SI: variants seen among roughly 807,000 people sequenced by gnomAD.
SI encodes sucrase-isomaltase.
SI carries 235 observed loss-of-function variants against 253.3 expected under a neutral mutation model. The ratio of observed to expected loss-of-function variants is 0.93; its 90% CI spans 0.83 to 1.03. The LOEUF is 1.03. Ranked by LOEUF, SI falls within the 50% of genes least tolerant of loss-of-function variation. The pLI is 0.00. For missense variants in SI, 2,442 were observed against 2,211.1 expected (o/e 1.10, Z -2.09); for synonymous variants, 819 against 712.0 (o/e 1.15, Z -2.39).
rs114902170 is a variant in SI at position 165,071,212 on chromosome 3, C to T, written c.256-2017G>A. Among the ~76,000 whole-genome samples the T allele has an allele frequency of 4.3e-3, 659 of 152,166 alleles. 2 individuals carry two copies. The highest frequency in any genetic ancestry group is 0.015 in the African/African-American group (616 of 41,540). Reference sequence around the variant, plus strand: ...CATTATTTAACCTACTACATATACACTCCAACATATTAATTAAAAATGTAT... The same window carrying T: ...CATTATTTAACCTACTACATATACATTCCAACATATTAATTAAAAATGTAT... On this transcript the variant is annotated intron_variant, in intron 3 of 47. Coordinates refer to ENST00000264382, the MANE Select transcript of SI (RefSeq NM_001041.4).
At chr3:165,048,976 A>G in intron 15 of SI, 151 bp downstream of exon 15, 1 of 654,994 alleles carries the variant, frequency 1.5e-6, no homozygotes, top group Admixed American at 2.3e-5. Flanking sequence ...GAGAACTGAT[A>G]TTTTGAATGC....
At chr3:164,986,921 C>A (rs1559976794) in intron 45 of SI, among the ~76,000 whole-genome samples, 1 of 152,114 alleles carries the variant, frequency 6.6e-6, no homozygotes, top group Non-Finnish European at 1.5e-5. Context: ...AGACACTTAC[C>A]ATAGGGATTG....
rs1714368267 is a variant in SI, at chr3:165,068,443, G to A, written c.483+279C>T. Among the ~76,000 whole-genome samples, 2 of 152,238 alleles carry A rather than the reference G, an allele frequency of 1.3e-5. 1 individual carries two copies. The highest frequency in any genetic ancestry group is 6.8e-3 in the Middle Eastern group (2 of 294). On this transcript the variant is annotated intron_variant, in intron 5 of 47. Coordinates refer to ENST00000264382, the MANE Select transcript of SI (RefSeq NM_001041.4). ...AGGATGAAAGGTGTGTTCATCAAAT[G>A]TCTCACTGAAAGCCCCAACTCCCGG...
At chr3:165,006,240 C>T (rs990120553) in intron 37 of SI, among the ~76,000 whole-genome samples, 6 of 152,192 alleles carry the variant, frequency 3.9e-5, no homozygotes, top group African/African-American at 1.4e-4. Context: ...TCCCGAGTAA[C>T]TGGGACCACA....
chr3:165,011,722 T>G (rs1718776053), intron 34 of SI, among the ~76,000 whole-genome samples: 1 of 147,886 alleles, frequency 6.8e-6, no homozygotes, highest in South Asian at 2.1e-4. Flanking sequence ...GTTCTATTTA[T>G]GTATTATCAT....
At chr3:165,013,730 T>TTACC (rs1328033418) in intron 33 of SI, among the ~76,000 whole-genome samples, 1 of 152,072 alleles carries the variant, frequency 6.6e-6, no homozygotes, top group East Asian at 1.9e-4. Flanking sequence ...GATTAGCTGA[T>TTACC]GGTAGAGAAT....
Position 164,979,432 on chromosome 3 carries a change from T to C in SI, c.5416-2A>G. On this transcript the variant is annotated splice_acceptor_variant, in intron 47 of 47. Transcript: ENST00000264382. LOFTEE classifies it high-confidence loss of function. Reference sequence around the variant, plus strand: ...TGTGGTCAGATCAATACGTAATATCTAAAAAAGTAAAATAATAATTAGTTG... The same window carrying C: ...TGTGGTCAGATCAATACGTAATATCCAAAAAAGTAAAATAATAATTAGTTG... The C allele has an allele frequency of 6.9e-7, 1 of 1,440,548 alleles. No individual in the cohort carries two copies. Among genetic ancestry groups the C allele is most frequent in the Non-Finnish European group, 9.8e-7 (1 of 1,025,038 alleles). 89.2% of individuals were successfully genotyped at this position (1,440,548 alleles called of 1,614,324 possible). A position where few individuals can be genotyped will look rare whatever the true frequency, so the allele number is the denominator to read the frequency against.
At chr3:165,082,919 G>T (rs1576935653), upstream of SI, among the ~76,000 whole-genome samples, 1 of 152,074 alleles carries the variant, frequency 6.6e-6, no homozygotes, top group African/African-American at 2.4e-5. Flanking sequence ...TGTGGCTATA[G>T]AGGCTAGAGA....
At chr3:165,047,036 A>C (rs1384127462) in intron 15 of SI, 24 bp from the exon 16 acceptor site, 2 of 1,479,260 alleles carry the variant, frequency 1.4e-6, no homozygotes, top group Non-Finnish European at 1.9e-6. Context: ...CAAATTAACA[A>C]ATACAATTTA....
At chr3:164,983,600 A>G (rs1487899235) in intron 45 of SI, among the ~76,000 whole-genome samples, 1 of 151,920 alleles carries the variant, frequency 6.6e-6, no homozygotes, top group Non-Finnish European at 1.5e-5. Flanking sequence ...TTTAGTTTTT[A>G]TTTTTTTAAG....
Position 165,059,165 on chromosome 3 carries a change from T to A in SI, c.1278+3A>T, listed in dbSNP as rs1490746827. ...AATGTATTAAGGTATAATTGATTAT[T>A]ACCAAGATGATGACATATTTCTGTC... On this transcript the variant is annotated splice_donor_region_variant and intron_variant, in intron 11 of 47. Transcript: ENST00000264382. 6.2e-7 allele frequency: 1 copy of A among 1,612,318 alleles called. No individual in the cohort carries two copies. The highest frequency in any genetic ancestry group is 2.2e-5 in the East Asian group (1 of 44,704).
intron 33 of SI, among the ~76,000 whole-genome samples, chr3:165,014,341 C>T (rs1450530953): frequency 2.0e-5 from 3 of 152,102 alleles, no homozygotes; most frequent in Middle Eastern, 3.4e-3. Context: ...CTCCGCCTCC[C>T]GGGTTCACTC....
intron 25 of SI, among the ~76,000 whole-genome samples, chr3:165,024,102 T>G (rs915662572): frequency 6.6e-6 from 1 of 151,470 alleles, no homozygotes; most frequent in Non-Finnish European, 1.5e-5. Flanking sequence ...TTTGATTCCA[T>G]GTTTGTTCTT....
At chr3:165,045,926 C>A (rs909118651) in intron 16 of SI, among the ~76,000 whole-genome samples, 1 of 150,420 alleles carries the variant, frequency 6.6e-6, no homozygotes, top group Admixed American at 6.6e-5. Flanking sequence ...CTCCACCTCC[C>A]AGGTTCAAAC....
rs368459676 is a variant in SI, at chr3:164,998,677, A to G, written c.4407-4T>C. 56 of 1,608,874 alleles carry G rather than the reference A, an allele frequency of 3.5e-5. No homozygotes were observed. The highest frequency in any genetic ancestry group is 6.7e-5 in the Admixed American group (4 of 59,706). On this transcript the variant is annotated splice_polypyrimidine_tract_variant and splice_region_variant and intron_variant, in intron 37 of 47. Transcript: ENST00000264382. ...TCCAGTTGTCTTCTGCAATGCACTA[A>G]TATAGTAGAGAAGTATTTTTGAGTT...
chr3:165,067,196 C>T, intron 6 of SI, 144 bp downstream of exon 6: 1 of 604,796 alleles, frequency 1.7e-6, no homozygotes, highest in Non-Finnish European at 2.8e-6. Flanking sequence ...AACCAAACTC[C>T]TTTATCACCG....
At chr3:165,077,947 C>G (rs1715109526) in intron 1 of SI, among the ~76,000 whole-genome samples, 1 of 151,510 alleles carries the variant, frequency 6.6e-6, no homozygotes, top group South Asian at 2.1e-4. Flanking sequence ...TATATTGATA[C>G]CCTTTCTCTG....
At chr3:165,054,881 C>A (rs916804935) in intron 13 of SI, among the ~76,000 whole-genome samples, 1 of 152,024 alleles carries the variant, frequency 6.6e-6, no homozygotes, top group Non-Finnish European at 1.5e-5. Flanking sequence ...GGCTTATCAC[C>A]AAATCTTATT....
chr3:165,005,973 T>C (rs1718491701), intron 37 of SI, among the ~76,000 whole-genome samples: 1 of 152,182 alleles, frequency 6.6e-6, no homozygotes, highest in South Asian at 2.1e-4. Flanking sequence ...TGATTTTCAG[T>C]GAATGGTCTG....
Sources: allele counts gnomAD v4.1 joint callset (sites outside exome capture counted in the v4.1 genomes callset), GRCh38; gene constraint gnomAD v4.1.1; transcripts MANE v1.5; gene names NCBI Gene and HGNC (gene_info 2026-07-23, HGNC 2026-07-21).